NR2C2: variants seen among roughly 807,000 people sequenced by gnomAD.
The protein encoded by NR2C2 is Nuclear hormone receptor TR4.
Under a neutral mutation model 62.9 loss-of-function variants are expected in NR2C2, and 6 were observed. The observed-to-expected ratio is 0.10, with a 90% CI of 0.05 to 0.19. NR2C2 has a LOEUF of 0.19. Among genes scored for constraint, NR2C2 ranks in the 10% least tolerant of loss-of-function variants. NR2C2 has a pLI of 1.00. For missense variants in NR2C2, 479 were observed against 762.7 expected (o/e 0.63, Z 4.38); for synonymous variants, 272 against 273.8 (o/e 0.99, Z 0.07).
intron 4 of NR2C2, among the ~76,000 whole-genome samples, chr3:15,018,262 G>T (rs1038151284): frequency 7.9e-5 from 12 of 152,172 alleles, no homozygotes; most frequent in African/African-American, 2.7e-4. Flanking sequence ...CTCCCAAAGT[G>T]CTGGGATTAC....
rs1413523579 is a variant in NR2C2 at position 15,038,439 on chromosome 3, T to C, written c.1510+302T>C. ...CATACAAAAGTGTGCTGCCACCCGA[T>C]GTCCTTTCTTTTTTTTCCGGCCCTT... On this transcript the variant is annotated intron_variant, in intron 12 of 13. Coordinates refer to ENST00000425241, the MANE Select transcript of NR2C2 (RefSeq NM_001291694.2). 2.1e-5 allele frequency: 5 copies of C among 236,600 alleles called. No individual in the cohort carries two copies. In the South Asian group the frequency reaches 4.8e-4, roughly 23 times the overall value. The allele number at this position is 236,600 out of a possible 1,614,324, so 14.7% of individuals were successfully genotyped here.
chr3:15,033,472 TGGTCAC>T (rs2042029314), intron 10 of NR2C2, among the ~76,000 whole-genome samples: 1 of 152,080 alleles, frequency 6.6e-6, no homozygotes, highest in Non-Finnish European at 1.5e-5. Flanking sequence ...GTTGTTAGAA[TGGTCAC>T]CTCCCTCCAT....
chr3:15,012,207 G>A (rs962380885), intron 2 of NR2C2, among the ~76,000 whole-genome samples: 1 of 151,432 alleles, frequency 6.6e-6, no homozygotes, highest in African/African-American at 2.4e-5. Flanking sequence ...TGAGTTTGTT[G>A]TCTCAACCTT....
chr3:15,040,191 C>T (rs922711205), intron 13 of NR2C2, among the ~76,000 whole-genome samples: 1 of 151,450 alleles, frequency 6.6e-6, no homozygotes, highest in Non-Finnish European at 1.5e-5. Flanking sequence ...CAAAAAAAAA[C>T]CCTTTCTCGT....
chr3:15,015,087 C>T (rs1474875044), intron 3 of NR2C2, among the ~76,000 whole-genome samples: 1 of 152,158 alleles, frequency 6.6e-6, no homozygotes, highest in Non-Finnish European at 1.5e-5. Context: ...CTTCCTTTCC[C>T]GGAGTACATT....
intron 12 of NR2C2, 26 bp from the exon 13 acceptor site, chr3:15,039,096 G>A (rs770421128): frequency 4.5e-5 from 50 of 1,123,046 alleles, no homozygotes; most frequent in Middle Eastern, 4.2e-4. Flanking sequence ...AGAGGGAACT[G>A]GGGGGGGGTA....
chr3:14,998,622 A>G (rs1005433560), intron 1 of NR2C2, among the ~76,000 whole-genome samples: 2 of 152,126 alleles, frequency 1.3e-5, no homozygotes, highest in Admixed American at 6.6e-5. Context: ...TTGTCTTGTT[A>G]TTAAGTTGTA....
In NR2C2 at chr3:15,034,681, A is replaced by G; in HGVS notation, c.1244A>G (p.Asn415Ser). The change falls in exon 11 of 14, where the codon AAC (asparagine) becomes AGC (serine). Residue 415 changes from asparagine to serine, a missense_variant. Around this residue, in one of 4 missense-constraint regions of NR2C2, gnomAD observed 162 missense variants for 296.8 expected, o/e 0.55. Transcript: ENST00000425241. Reference sequence around the variant, plus strand: ...TTCTATATTCCTAGGCAGGACTGCAACACCAGCCTTGTGCGGGCCTGCTGG... The same window carrying G: ...TTCTATATTCCTAGGCAGGACTGCAGCACCAGCCTTGTGCGGGCCTGCTGG... ...PAFQALGQDC[N>S]TSLVRACWNE... 6.2e-7 allele frequency: 1 copy of G among 1,614,084 alleles called. No homozygotes were observed. The highest frequency in any genetic ancestry group is 8.5e-7 in the Non-Finnish European group (1 of 1,180,002).
intron 1 of NR2C2, among the ~76,000 whole-genome samples, chr3:14,965,311 C>CT (rs2039808436): frequency 6.6e-6 from 1 of 152,026 alleles, no homozygotes; most frequent in African/African-American, 2.4e-5. Context: ...GATTGCTGCC[C>CT]TAAGAGGCCA....
At chr3:15,017,932 T>G (rs1269998257) in intron 4 of NR2C2, among the ~76,000 whole-genome samples, 1 of 152,192 alleles carries the variant, frequency 6.6e-6, no homozygotes, top group East Asian at 1.9e-4. Flanking sequence ...ATGGTCAGTC[T>G]CAGCTGGAAA....
At chr3:15,016,084 G>A in intron 3 of NR2C2, 68 bp from the exon 4 acceptor site, 3 of 1,228,528 alleles carry the variant, frequency 2.4e-6, no homozygotes, top group South Asian at 2.5e-5. Context: ...TTATAGACGT[G>A]AGCCACCGTG....
chr3:14,991,445 G>A (rs185019630), intron 1 of NR2C2, among the ~76,000 whole-genome samples: 144 of 152,274 alleles, frequency 9.5e-4, no homozygotes, highest in Admixed American at 1.8e-3. Flanking sequence ...CTAAAGGAGG[G>A]TATGTGGTAC....
At chr3:15,024,450 G>A (rs143442810) in intron 7 of NR2C2, among the ~76,000 whole-genome samples, 1 of 152,314 alleles carries the variant, frequency 6.6e-6, no homozygotes, top group Non-Finnish European at 1.5e-5. Context: ...TGTCAATTTG[G>A]TGGACATTCA....
chr3:15,039,801 T>A (rs1347369889), intron 13 of NR2C2, among the ~76,000 whole-genome samples: 1 of 152,074 alleles, frequency 6.6e-6, no homozygotes, highest in African/African-American at 2.4e-5. Flanking sequence ...GAAAAAAGTT[T>A]GTTTGGGTGC....
rs2040451337 is a variant in NR2C2, at chr3:14,984,123, G to C, written c.-39-19753G>C. ...GGCTGGTCTCGAACTCCCGACCTCAGGTGATCCACCTGCCTCAGCCTCCCA... is the reference window on the plus strand; with the variant it reads ...GGCTGGTCTCGAACTCCCGACCTCACGTGATCCACCTGCCTCAGCCTCCCA... On this transcript the variant is annotated intron_variant, in intron 1 of 13. Coordinates refer to ENST00000425241, the MANE Select transcript of NR2C2 (RefSeq NM_001291694.2). Among the ~76,000 whole-genome samples the C allele has an allele frequency of 2.6e-5, 4 of 151,672 alleles. No individual in the cohort carries two copies. The South Asian group carries it at 8.3e-4, about 32-fold the overall frequency.
At chr3:14,950,574 T>C (rs2039325796) in intron 1 of NR2C2, among the ~76,000 whole-genome samples, 1 of 120,764 alleles carries the variant, frequency 8.3e-6, no homozygotes, top group Admixed American at 1.1e-4. Flanking sequence ...CAAGCATCAC[T>C]TCTTCAGGGA....
At chr3:14,983,303 C>T (rs190252419) in intron 1 of NR2C2, among the ~76,000 whole-genome samples, 4 of 151,962 alleles carry the variant, frequency 2.6e-5, no homozygotes, top group South Asian at 2.1e-4. Flanking sequence ...TCCATGAGTT[C>T]GATTGTCAGA....
At position 14,979,143 on chromosome 3, in the gene NR2C2, T is replaced by C. The variant is rs958860890; in HGVS notation, c.-39-24733T>C. ...GTGATCCACTATATCTCCTTGACTATTCTTTTTGTCTTTGTGGGTTTGTAC... is the reference window on the plus strand; with the variant it reads ...GTGATCCACTATATCTCCTTGACTACTCTTTTTGTCTTTGTGGGTTTGTAC... On this transcript the variant is annotated intron_variant, in intron 1 of 13. Coordinates refer to ENST00000425241, the MANE Select transcript of NR2C2 (RefSeq NM_001291694.2). Among the ~76,000 whole-genome samples the C allele has an allele frequency of 2.6e-5, 4 of 152,248 alleles. No individual in the cohort carries two copies. The South Asian group carries it at 8.3e-4, about 31-fold the overall frequency.
intron 13 of NR2C2, among the ~76,000 whole-genome samples, chr3:15,040,259 C>G (rs1286932284): frequency 2.0e-5 from 3 of 152,214 alleles, no homozygotes; most frequent in South Asian, 2.1e-4. Context: ...CATTGGCAGG[C>G]TTTCCAGCCA....
Sources: allele counts gnomAD v4.1 joint callset (sites outside exome capture counted in the v4.1 genomes callset), GRCh38; gene constraint gnomAD v4.1.1; regional missense constraint gnomAD v4.1.1; transcripts MANE v1.5; gene names NCBI Gene and HGNC (gene_info 2026-07-23, HGNC 2026-07-21).